CADM1: variants seen among roughly 807,000 people sequenced by gnomAD.
CADM1 encodes the protein cell adhesion molecule 1, also known as TSLC-1.
A neutral mutation model predicts 53.1 loss-of-function variants in CADM1; 15 were observed. That is an observed-to-expected ratio of 0.28 (90% confidence interval 0.19 to 0.44). CADM1 has a LOEUF of 0.44. CADM1 is among the 20% of genes least tolerant of loss of function. The pLI is 1.00. For synonymous variants in CADM1, 281 were observed against 243.0 expected (o/e 1.16, Z -1.45); for missense variants, 434 against 611.3 (o/e 0.71, Z 3.06).
intron 1 of CADM1, among the ~76,000 whole-genome samples, chr11:115,323,207 T>C (rs1048924880): frequency 3.3e-5 from 5 of 152,214 alleles, no homozygotes; most frequent in African/African-American, 1.2e-4. Context: ...CATCTTTTCA[T>C]GCTTATTGAT....
intron 1 of CADM1, among the ~76,000 whole-genome samples, chr11:115,429,381 G>C (rs1450009519): frequency 6.6e-6 from 1 of 152,176 alleles, no homozygotes; most frequent in Non-Finnish European, 1.5e-5. Flanking sequence ...GCTGAGGCGG[G>C]TGGGGATCCC....
At chr11:115,246,436 T>C (rs1942409800) in intron 1 of CADM1, among the ~76,000 whole-genome samples, 1 of 152,214 alleles carries the variant, frequency 6.6e-6, no homozygotes, top group Non-Finnish European at 1.5e-5. Context: ...AACAAGAATA[T>C]GTGACATTGA....
In CADM1 at chr11:115,175,786, T is replaced by C. The variant is rs1024410091; in HGVS notation, c.*688A>G. On this transcript the variant is annotated 3_prime_UTR_variant, in exon 12 of 12. Transcript: ENST00000331581. ...ATGTAGTTCCACAGCAAACAGAACA[T>C]TTTCTGAATCACAGTCTAATTTTCT... 1 of 992,982 alleles carries C rather than the reference T, an allele frequency of 1.0e-6. No homozygotes were observed. Among genetic ancestry groups the C allele is most frequent in the African/African-American group, 1.7e-5 (1 of 57,252 alleles). The allele number at this position is 992,982 out of a possible 1,614,324, so 61.5% of individuals were successfully genotyped here.
chr11:115,256,751 A>G (rs879000691), intron 1 of CADM1: 5 of 455,102 alleles, frequency 1.1e-5, no homozygotes, highest in South Asian at 7.8e-5. Context: ...GTTCCTTAAC[A>G]TATGGCAATT....
chr11:115,441,186 T>A (rs1347615846), intron 1 of CADM1, among the ~76,000 whole-genome samples: 1 of 152,006 alleles, frequency 6.6e-6, no homozygotes, highest in African/African-American at 2.4e-5. Context: ...CTGCTCATGC[T>A]TGTACCTATA....
chr11:115,209,575 T>C lies in CADM1; in HGVS notation c.1077A>G (p.Thr359=). The C allele has an allele frequency of 1.2e-6, 2 of 1,611,378 alleles. No individual in the cohort carries two copies. ...TTTTTILTII[T]DTTATTEPAV... ...TCAATGGTAATGAAGATACCATACC[T>C]GTGATGATGGTAAGGATGGTGGTGG... is the stretch of plus-strand genomic sequence containing the variant. Residue 359 remains threonine (T), a splice_region_variant and synonymous_variant, in exon 8 of 12, where the codon ACA becomes ACG. Coordinates refer to ENST00000331581, the MANE Select transcript of CADM1 (RefSeq NM_001301043.2).
chr11:115,198,345 C>T, intron 9 of CADM1, 61 bp downstream of exon 9: 1 of 1,298,802 alleles, frequency 7.7e-7, no homozygotes, highest in Non-Finnish European at 1.1e-6. Context: ...CTCTTTTTCC[C>T]AGGCTTGCCT....
chr11:115,443,972 C>G (rs1460671025), intron 1 of CADM1, among the ~76,000 whole-genome samples: 1 of 152,092 alleles, frequency 6.6e-6, no homozygotes, highest in African/African-American at 2.4e-5. Flanking sequence ...TTTTGTGTGT[C>G]CTATATTTCT....
chr11:115,425,273 T>TG lies in CADM1; in HGVS notation c.124+78997dup, dbSNP rs1288456422. Reference sequence around the variant, plus strand: ...CTCAATGTTGAGTGCTTAAGGAGGCTGCGAGTTTCTATTTTCCTAACCAAA... The same window carrying TG: ...CTCAATGTTGAGTGCTTAAGGAGGCTGGCGAGTTTCTATTTTCCTAACCAAA... On this transcript the variant is annotated intron_variant, in intron 1 of 11. Transcript: ENST00000331581. Among the ~76,000 whole-genome samples, 4 of 152,370 alleles carry TG rather than the reference T, an allele frequency of 2.6e-5. No homozygotes were observed. In the East Asian group the frequency reaches 7.7e-4, roughly 29 times the overall value.
chr11:115,190,686 T>C (rs1221081445), intron 10 of CADM1: 1 of 561,146 alleles, frequency 1.8e-6, no homozygotes, highest in Non-Finnish European at 3.2e-6. Flanking sequence ...ATTGTCCCCA[T>C]TCCGAAATAT....
intron 1 of CADM1, among the ~76,000 whole-genome samples, chr11:115,360,336 T>A (rs1313635242): frequency 1.3e-5 from 2 of 152,160 alleles, no homozygotes; most frequent in Non-Finnish European, 1.5e-5. Context: ...GAGTTTTATG[T>A]TCCTCGGCAT....
At chr11:115,498,544 A>C (rs1489880940) in intron 1 of CADM1, among the ~76,000 whole-genome samples, 1 of 152,242 alleles carries the variant, frequency 6.6e-6, no homozygotes, top group Non-Finnish European at 1.5e-5. Flanking sequence ...CAATTACTGC[A>C]TATTTACACA....
rs1483328440 is a variant in CADM1 at position 115,233,113 on chromosome 11, T to C, written c.425-1623A>G. On this transcript the variant is annotated intron_variant, in intron 3 of 11. Coordinates refer to ENST00000331581, the MANE Select transcript of CADM1 (RefSeq NM_001301043.2). Reference sequence around the variant, plus strand: ...TAAAAGTAAAATGATTTGTTGCACATACTTCCTTAGCAAGATAGTGTTTGG... The same window carrying C: ...TAAAAGTAAAATGATTTGTTGCACACACTTCCTTAGCAAGATAGTGTTTGG... Among the ~76,000 whole-genome samples, 5 of 152,180 alleles carry C rather than the reference T, an allele frequency of 3.3e-5. No homozygotes were observed. The East Asian group carries it at 7.7e-4, about 23-fold the overall frequency.
intron 3 of CADM1, among the ~76,000 whole-genome samples, chr11:115,231,935 G>A (rs994476857): frequency 6.6e-6 from 1 of 152,034 alleles, no homozygotes; most frequent in Non-Finnish European, 1.5e-5. Flanking sequence ...ACAGTGAGCC[G>A]AGATCGTGCC....
intron 1 of CADM1, among the ~76,000 whole-genome samples, chr11:115,387,866 C>CTTACTA (rs1232980719): frequency 1.3e-5 from 2 of 151,832 alleles, no homozygotes; most frequent in African/African-American, 4.8e-5. Context: ...GCACACCTAG[C>CTTACTA]ACCCCAATAT....
intron 10 of CADM1, among the ~76,000 whole-genome samples, chr11:115,188,674 G>T (rs1939694073): frequency 6.6e-6 from 1 of 152,178 alleles, no homozygotes; most frequent in Admixed American, 6.5e-5. Flanking sequence ...CATTAAATGT[G>T]CAACACCTAC....
intron 1 of CADM1, among the ~76,000 whole-genome samples, chr11:115,415,367 G>A (rs1166640431): frequency 6.6e-6 from 1 of 152,040 alleles, no homozygotes; most frequent in Non-Finnish European, 1.5e-5. Context: ...ATTATATACT[G>A]ATTATTTGTT....
At chr11:115,242,652 A>G (rs1033226005) in intron 1 of CADM1, among the ~76,000 whole-genome samples, 2 of 152,200 alleles carry the variant, frequency 1.3e-5, no homozygotes, top group African/African-American at 4.8e-5. Context: ...TGAGTAGACA[A>G]GAATACCAAA....
In CADM1 at chr11:115,229,265, G is replaced by A. The variant is rs758008656; in HGVS notation, c.569C>T (p.Ser190Leu). The change falls in exon 5 of 12, where the codon TCG becomes TTG. Residue 190 changes from serine to leucine, a missense_variant. Physicochemically the swap from Ser to Leu is moderately radical, Grantham distance 145. Coordinates refer to ENST00000331581, the MANE Select transcript of CADM1 (RefSeq NM_001301043.2). ...FKGNTELKGKSEVEEWSDMYT... is the reference protein window; with the variant it reads ...FKGNTELKGKLEVEEWSDMYT... Reference sequence around the variant, plus strand: ...CATGTCTGACCACTCTTCCACCTCCGATTTGCCTGGGGAACAGAAAATGTA... The same window carrying A: ...CATGTCTGACCACTCTTCCACCTCCAATTTGCCTGGGGAACAGAAAATGTA... The A allele has an allele frequency of 8.7e-6, 14 of 1,614,006 alleles. No individual in the cohort carries two copies. Among genetic ancestry groups the A allele is most frequent in the East Asian group, 6.7e-5 (3 of 44,862 alleles).
Sources: gnomAD v4.1 joint callset for allele counts (sites outside exome capture counted in the v4.1 genomes callset) on GRCh38, gnomAD v4.1.1 for gene constraint, MANE v1.5 for transcripts, NCBI Gene and HGNC (gene_info 2026-07-23, HGNC 2026-07-21) for gene names.